Variants in RNF212B observed in about 807,000 individuals in gnomAD.
RNF212B encodes the protein ring finger protein 212B, also known as E3 ubiquitin-protein ligase RNF212B.
Under a neutral mutation model 55.5 loss-of-function variants are expected in RNF212B, and 52 were observed. The ratio of observed to expected loss-of-function variants is 0.94; its 90% CI spans 0.75 to 1.18. The LOEUF is 1.18. Ranked by LOEUF, RNF212B falls within the 50% of genes most tolerant of loss-of-function variation. The pLI, the probability that RNF212B is intolerant of heterozygous loss-of-function variation, is 0.00. For missense variants in RNF212B, 289 were observed against 350.4 expected, an observed-to-expected ratio of 0.82 and a Z score of 1.40; for synonymous variants, 99 against 121.4, an observed-to-expected ratio of 0.82 and a Z score of 1.21.
chr14:23,199,608 C>T (rs1363543025), intron 2 of RNF212B, among the ~76,000 whole-genome samples: 1 of 152,102 alleles, frequency 6.6e-6, no homozygotes, highest in Non-Finnish European at 1.5e-5. Context: ...TTTGATCTCT[C>T]ATGGCAAGGA....
chr14:23,264,157 T>C lies in RNF212B; in HGVS notation c.525-17T>C. ...AGGTTTTTTGCCTTTTTTTTCTTTT[T>C]GTTTCACCTTATACAGTCGGTCCTC... On this transcript the variant is annotated splice_polypyrimidine_tract_variant and intron_variant, in intron 9 of 14. Transcript: ENST00000430154. 1 of 1,525,630 alleles carries C rather than the reference T, an allele frequency of 6.6e-7. No individual in the cohort carries two copies. The highest frequency in any genetic ancestry group is 8.8e-7 in the Non-Finnish European group (1 of 1,137,240). 94.5% of individuals were successfully genotyped at this position (1,525,630 alleles called of 1,614,324 possible). A position where few individuals can be genotyped will look rare whatever the true frequency, so the allele number is the denominator to read the frequency against.
chr14:23,232,789 G>A (rs1039239246), intron 2 of RNF212B, among the ~76,000 whole-genome samples: 2 of 149,198 alleles, frequency 1.3e-5, no homozygotes, highest in African/African-American at 2.4e-5. Flanking sequence ...GGAGGTGGGG[G>A]GGGGGTCAGC....
At chr14:23,246,443 C>T (rs1475335574) in intron 4 of RNF212B, among the ~76,000 whole-genome samples, 2 of 151,940 alleles carry the variant, frequency 1.3e-5, no homozygotes, top group African/African-American at 4.8e-5. Flanking sequence ...ATCTAATGAC[C>T]AACTCGGCCT....
chr14:23,235,676 A>G (rs1883045499), upstream of RNF212B, among the ~76,000 whole-genome samples: 1 of 152,238 alleles, frequency 6.6e-6, no homozygotes, highest in Non-Finnish European at 1.5e-5. Flanking sequence ...AGATAGTGAT[A>G]TTAACAAAAG....
At chr14:23,243,863 G>A (rs947229533) in intron 3 of RNF212B, among the ~76,000 whole-genome samples, 6 of 152,002 alleles carry the variant, frequency 3.9e-5, no homozygotes, top group East Asian at 1.9e-4. Context: ...GATCACCTGA[G>A]GTCAGGAGTT....
At chr14:23,266,297 C>T (rs564055386) in intron 11 of RNF212B, among the ~76,000 whole-genome samples, 6 of 151,352 alleles carry the variant, frequency 4.0e-5, no homozygotes, top group Non-Finnish European at 8.8e-5. Context: ...TTTTTTGGAC[C>T]CATTGGTTGT....
chr14:23,247,758 C>T (rs2140448390), intron 4 of RNF212B, among the ~76,000 whole-genome samples: 1 of 152,186 alleles, frequency 6.6e-6, no homozygotes, highest in African/African-American at 2.4e-5. Context: ...TTTACATGGA[C>T]ATATATTTTT....
chr14:23,188,733 G>C (rs946480890), intron 1 of RNF212B, among the ~76,000 whole-genome samples: 14 of 152,096 alleles, frequency 9.2e-5, no homozygotes. Flanking sequence ...GCTTCCCAAA[G>C]TGCTGGGAGC....
intron 2 of RNF212B, among the ~76,000 whole-genome samples, chr14:23,217,761 A>G (rs1408082386): frequency 6.6e-6 from 1 of 152,078 alleles, no homozygotes; most frequent in Non-Finnish European, 1.5e-5. Context: ...CCTTCCTAAG[A>G]AGGACAGGCA....
At chr14:23,269,816 CTT>C (rs1296861782) in intron 12 of RNF212B, 45 bp from the exon 13 acceptor site, 1 of 1,095,562 alleles carries the variant, frequency 9.1e-7, no homozygotes, top group East Asian at 2.6e-5. Flanking sequence ...TTATTTTTAC[CTT>C]TACCTGTCCT....
chr14:23,250,439 T>C (rs8015767), intron 4 of RNF212B, among the ~76,000 whole-genome samples: 94,532 of 149,608 alleles, frequency 0.63, 32,253 homozygotes, highest in African/African-American at 0.91. Flanking sequence ...GCCTAGAATG[T>C]GCCACTGCAC....
intron 2 of RNF212B, among the ~76,000 whole-genome samples, chr14:23,212,479 A>G (rs1042858616): frequency 6.6e-5 from 10 of 152,202 alleles, no homozygotes; most frequent in Non-Finnish European, 1.2e-4. Flanking sequence ...AGTTTGTAGA[A>G]TACAAGATCA....
intron 2 of RNF212B, among the ~76,000 whole-genome samples, chr14:23,212,643 G>A (rs148497816): frequency 0.041 from 6,266 of 151,784 alleles, 432 homozygotes; most frequent in African/African-American, 0.14. Context: ...GTGCAGTGGC[G>A]CAGTCTCGGC....
At chr14:23,261,892 G>T (rs1885319140) in intron 7 of RNF212B, among the ~76,000 whole-genome samples, 1 of 152,052 alleles carries the variant, frequency 6.6e-6, no homozygotes, top group Non-Finnish European at 1.5e-5. Flanking sequence ...GGGAACCCAG[G>T]AGGCAGAGCT....
intron 2 of RNF212B, among the ~76,000 whole-genome samples, chr14:23,198,809 G>A (rs1445914819): frequency 1.3e-5 from 2 of 152,190 alleles, no homozygotes; most frequent in African/African-American, 4.8e-5. Flanking sequence ...TAAATGTATA[G>A]TGGATTTTGG....
chr14:23,186,091 C>T (rs1161613038), intron 1 of RNF212B, among the ~76,000 whole-genome samples: 1 of 152,036 alleles, frequency 6.6e-6, no homozygotes, highest in African/African-American at 2.4e-5. Context: ...CAAAGTGAGA[C>T]CCTGTCTTTA....
At chr14:23,270,482 G>A (rs1246098246) in intron 13 of RNF212B, 118 bp from the exon 14 acceptor site, 3 of 706,688 alleles carry the variant, frequency 4.2e-6, no homozygotes, top group Non-Finnish European at 7.7e-6. Flanking sequence ...ATTGCTGATT[G>A]TGTTTCCCTT....
chr14:23,228,932 T>A (rs1882281178), intron 2 of RNF212B, among the ~76,000 whole-genome samples: 1 of 152,034 alleles, frequency 6.6e-6, no homozygotes, highest in Non-Finnish European at 1.5e-5. Flanking sequence ...ATTAGGTACA[T>A]TCACAATGTT....
At chr14:23,232,789 G>GGC (rs1882797197) in intron 2 of RNF212B, among the ~76,000 whole-genome samples, 1 of 149,198 alleles carries the variant, frequency 6.7e-6, no homozygotes, top group African/African-American at 2.4e-5. Context: ...GGAGGTGGGG[G>GGC]GGGGGTCAGC....
Sources: allele counts gnomAD v4.1 joint callset (sites outside exome capture counted in the v4.1 genomes callset), GRCh38; gene constraint gnomAD v4.1.1; transcripts MANE v1.5; gene names NCBI Gene and HGNC (gene_info 2026-07-23, HGNC 2026-07-21).